KIAA2013: variants seen among roughly 807,000 people sequenced by gnomAD.
The protein encoded by KIAA2013 is uncharacterized protein KIAA2013.
Under a neutral mutation model 39.9 loss-of-function variants are expected in KIAA2013, and 20 were observed. The observed-to-expected ratio is 0.50, with a 90% CI of 0.35 to 0.73. The LOEUF is 0.73. KIAA2013 is among the 30% of genes least tolerant of loss of function. KIAA2013 has a pLI of 0.01. For synonymous variants in KIAA2013, 336 were observed against 416.6 expected, an observed-to-expected ratio of 0.81 and a Z score of 2.35; for missense variants, 587 against 856.1, an observed-to-expected ratio of 0.69 and a Z score of 3.92.
At position 11,925,726 on chromosome 1, in the gene KIAA2013, G is replaced by A. The variant is rs1054515531; in HGVS notation, c.512C>T (p.Pro171Leu). ...CGCGGCAAGGCCAGAGACGGAGGCG[G>A]GCCCGGGGCCGGCGGCCACGGGGCC... Reference protein sequence around the residue: ...GPGPVAAGPGPASVSGLAAGS... With the variant: ...GPGPVAAGPGLASVSGLAAGS... Residue 171 changes from proline (P) to leucine (L), a missense_variant, in exon 1 of 3, where the codon CCC becomes CTC. Transcript: ENST00000376572. The surrounding 1 kb of genome is among the most constrained non-coding windows in gnomAD (Gnocchi z 5.2). 6.4e-7 allele frequency: 1 copy of A among 1,552,908 alleles called. No homozygotes were observed. Among genetic ancestry groups the A allele is most frequent in the East Asian group, 2.3e-5 (1 of 43,110 alleles).
Position 11,923,300 on chromosome 1 carries a change from T to A in KIAA2013, c.1223A>T (p.His408Leu). 1 of 1,613,376 alleles carries A rather than the reference T, an allele frequency of 6.2e-7. No homozygotes were observed. Among genetic ancestry groups the A allele is most frequent in the Admixed American group, 1.7e-5 (1 of 59,994 alleles). ...DHCFSGHATM[H>L]AENLWPGRLS... ...CCGCCCCGGCCACAGGTTCTCGGCG[T>A]GCATGGTGGCGTGCCCGCTGAAGCA... The change falls in exon 2 of 3, where the codon CAC becomes CTC. Residue 408 changes from histidine (H) to leucine (L), a missense_variant. Coordinates refer to ENST00000376572, the MANE Select transcript of KIAA2013 (RefSeq NM_138346.3). The surrounding 1 kb of genome is among the most constrained non-coding windows in gnomAD (Gnocchi z 4.6).
chr1:11,924,294 G>A (rs184185272), intron 1 of KIAA2013, among the ~76,000 whole-genome samples: 21 of 144,222 alleles, frequency 1.5e-4, no homozygotes, highest in African/African-American at 4.7e-4. Context: ...GTTTCGCCAC[G>A]TTGGCCAGGT....
chr1:11,925,261 GGCATGTCCAAGAGCTCCA>G lies in KIAA2013; in HGVS notation c.959_976del (p.Leu320_Met325del), dbSNP rs1266383074. 6.2e-7 allele frequency: 1 copy of G among 1,610,416 alleles called. No homozygotes were observed. On this transcript the variant is annotated inframe_deletion, in exon 1 of 3. Coordinates refer to ENST00000376572, the MANE Select transcript of KIAA2013 (RefSeq NM_138346.3). The surrounding 1 kb of genome is among the most constrained non-coding windows in gnomAD (Gnocchi z 5.2). ...GTGGTCTTGAAGCAGCTCCGCCGCT[GGCATGTCCAAGAGCTCCA>G]GCATTTCCTTCCGTGCCAAGTCCTG...
At position 11,923,617 on chromosome 1, in the gene KIAA2013, C is replaced by A. The variant is rs1238835230; in HGVS notation, c.1034-128G>T. The stretch of plus-strand genomic sequence containing the variant: ...TAATGATAAAGACAGTGGTGCCCAT[C>A]TCCCTAAAGTATAGAAGAAAGTCAG... On this transcript the variant is annotated intron_variant, in intron 1 of 2. Transcript: ENST00000376572. The surrounding 1 kb of genome is among the most constrained non-coding windows in gnomAD (Gnocchi z 4.6). 5 of 981,842 alleles carry A rather than the reference C, an allele frequency of 5.1e-6. 1 individual carries two copies. In the East Asian group the frequency reaches 1.2e-4, roughly 24 times the overall value. The allele number at this position is 981,842 out of a possible 1,614,324, so 60.8% of individuals were successfully genotyped here.
chr1:11,924,948 A>G (rs754351141), intron 1 of KIAA2013, among the ~76,000 whole-genome samples: 1 of 152,174 alleles, frequency 6.6e-6, no homozygotes, highest in Non-Finnish European at 1.5e-5. Flanking sequence ...TAACAGAAAG[A>G]ATTGACCTTT....
intron 1 of KIAA2013, among the ~76,000 whole-genome samples, chr1:11,924,388 C>T (rs1645493309): frequency 1.3e-5 from 2 of 151,790 alleles, no homozygotes; most frequent in African/African-American, 4.8e-5. Flanking sequence ...CCGCGCCCAG[C>T]CAGCACATTC....
At position 11,925,284 on chromosome 1, in the gene KIAA2013, T is replaced by C. The variant is rs1482529460; in HGVS notation, c.954A>G (p.Glu318=). The change falls in exon 1 of 3, where the codon GAA becomes GAG. Residue 318 remains glutamate, a synonymous_variant. Coordinates refer to ENST00000376572, the MANE Select transcript of KIAA2013 (RefSeq NM_138346.3). The surrounding 1 kb of genome is among the most constrained non-coding windows in gnomAD (Gnocchi z 5.2). ...LKALQDLARK[E]MLELLDMPAA... ...CTGGCATGTCCAAGAGCTCCAGCAT[T>C]TCCTTCCGTGCCAAGTCCTGCAGCG... 1 of 1,613,026 alleles carries C rather than the reference T, an allele frequency of 6.2e-7. No homozygotes were observed. The highest frequency in any genetic ancestry group is 1.3e-5 in the African/African-American group (1 of 74,906).
At position 11,925,401 on chromosome 1, in the gene KIAA2013, C is replaced by A. The variant is rs757527415; in HGVS notation, c.837G>T (p.Thr279=). The A allele has an allele frequency of 1.2e-6, 2 of 1,613,808 alleles. No homozygotes were observed. The highest frequency in any genetic ancestry group is 4.5e-5 in the East Asian group (2 of 44,890). Residue 279 remains threonine, a synonymous_variant, in exon 1 of 3, where the codon ACG becomes ACT. Coordinates refer to ENST00000376572, the MANE Select transcript of KIAA2013 (RefSeq NM_138346.3). The surrounding 1 kb of genome is among the most constrained non-coding windows in gnomAD (Gnocchi z 5.2). ...CCCACAGCACCGTCTCATCCAGCTG[C>A]GTCTTGGGAGCCACTTGGAGGCGGT... ...LVNRLQVAPK[T]QLDETVLWVV... is the part of the protein sequence containing the mutation.
chr1:11,925,114 G>A lies in KIAA2013; in HGVS notation c.1033+91C>T. On this transcript the variant is annotated intron_variant, in intron 1 of 2. Transcript: ENST00000376572. This position sits in a 1 kb window ranked among gnomAD's most constrained non-coding sequence, Gnocchi z 5.2. ...ACCACTGGTGAAACGCCAAGCCCAA[G>A]TTTCAACCACCCCACCATCACCTTC... The A allele has an allele frequency of 7.8e-7, 1 of 1,278,904 alleles. No individual in the cohort carries two copies. The highest frequency in any genetic ancestry group is 1.5e-5 in the South Asian group (1 of 65,284). 79.2% of individuals were successfully genotyped at this position (1,278,904 alleles called of 1,614,324 possible).
chr1:11,924,734 A>C (rs1398093318), intron 1 of KIAA2013, among the ~76,000 whole-genome samples: 4 of 152,172 alleles, frequency 2.6e-5, no homozygotes, highest in Non-Finnish European at 5.9e-5. Context: ...GGGATTCTCC[A>C]ACCTCCCTGT....
rs1645501488 is a variant in KIAA2013 at position 11,925,627 on chromosome 1, T to C, written c.611A>G (p.Gln204Arg). Residue 204 changes from glutamine (Q) to arginine (R), a missense_variant, in exon 1 of 3, where the codon CAG (glutamine) becomes CGG (arginine). By Grantham distance (43) the Gln-to-Arg change is conservative. Coordinates refer to ENST00000376572, the MANE Select transcript of KIAA2013 (RefSeq NM_138346.3). The surrounding 1 kb of genome is among the most constrained non-coding windows in gnomAD (Gnocchi z 5.2). ...CGTGGGGTTGTTGAGCTGGATGCGCTGCAGGTAGACGTGGGGTCGGCCCCT... is the reference window on the plus strand; with the variant it reads ...CGTGGGGTTGTTGAGCTGGATGCGCCGCAGGTAGACGTGGGGTCGGCCCCT... ...AHRGRPHVYL[Q>R]RIQLNNPTER... is the part of the protein sequence containing the mutation. The C allele has an allele frequency of 6.2e-7, 1 of 1,609,528 alleles. No individual in the cohort carries two copies. The highest frequency in any genetic ancestry group is 1.3e-5 in the African/African-American group (1 of 75,006).
In KIAA2013 at chr1:11,923,385, G is replaced by C; in HGVS notation, c.1138C>G (p.Pro380Ala). Residue 380 changes from proline to alanine, a missense_variant, in exon 2 of 3, where the codon CCC (proline) becomes GCC (alanine). Coordinates refer to ENST00000376572, the MANE Select transcript of KIAA2013 (RefSeq NM_138346.3). The surrounding 1 kb of genome is among the most constrained non-coding windows in gnomAD (Gnocchi z 4.6). ...LSCSPAPLLS[P>A]SLSHRERDQM... ...TCTCGCTCCCTGTGGCTCAGGGAGG[G>C]GCTGAGCAGTGGGGCTGGCGAGCAG... 1 of 1,613,128 alleles carries C rather than the reference G, an allele frequency of 6.2e-7. No homozygotes were observed. The highest frequency in any genetic ancestry group is 8.5e-7 in the Non-Finnish European group (1 of 1,180,012).
intron 2 of KIAA2013, chr1:11,922,230 C>T: frequency 2.0e-6 from 1 of 510,080 alleles, no homozygotes; most frequent in Non-Finnish European, 3.0e-6. Flanking sequence ...TGCTCTGTTG[C>T]CCCAGCTAGA....
chr1:11,923,401 T>C lies in KIAA2013; in HGVS notation c.1122A>G (p.Pro374=). Residue 374 remains proline, a synonymous_variant, in exon 2 of 3, where the codon CCA becomes CCG. Transcript: ENST00000376572. The surrounding 1 kb of genome is among the most constrained non-coding windows in gnomAD (Gnocchi z 4.6). ...TCAGGGAGGGGCTGAGCAGTGGGGC[T>C]GGCGAGCAGGAGAGCATGTAATAGA... The part of the protein sequence containing the change: ...LTLYYMLSCS[P]APLLSPSLSH... 1 of 1,612,814 alleles carries C rather than the reference T, an allele frequency of 6.2e-7. No homozygotes were observed. The highest frequency in any genetic ancestry group is 8.5e-7 in the Non-Finnish European group (1 of 1,180,026).
rs757841638 is a variant in KIAA2013, at chr1:11,925,524, C to A, written c.714G>T (p.Lys238Asn). Reference sequence around the variant, plus strand: ...AGAGGAGGAACTGATGGTCTCCGACCTTCTCCAGGGTACTGGTGAAGGCCT... The same window carrying A: ...AGAGGAGGAACTGATGGTCTCCGACATTCTCCAGGGTACTGGTGAAGGCCT... ...APKAFTSTLE[K>N]VGDHQFLLYS... The change falls in exon 1 of 3, where the codon AAG becomes AAT. Residue 238 changes from lysine (K) to asparagine (N), a missense_variant. Coordinates refer to ENST00000376572, the MANE Select transcript of KIAA2013 (RefSeq NM_138346.3). This position sits in a 1 kb window ranked among gnomAD's most constrained non-coding sequence, Gnocchi z 5.2. The A allele has an allele frequency of 1.2e-6, 2 of 1,603,750 alleles. No homozygotes were observed. The highest frequency in any genetic ancestry group is 2.2e-5 in the South Asian group (2 of 90,202).
rs1027365825 is a variant in KIAA2013 at position 11,925,819 on chromosome 1, G to A, written c.419C>T (p.Ala140Val). Residue 140 changes from alanine to valine, a missense_variant, in exon 1 of 3, where the codon GCG becomes GTG. Transcript: ENST00000376572. The surrounding 1 kb of genome is among the most constrained non-coding windows in gnomAD (Gnocchi z 5.2). Reference protein sequence around the residue: ...PLSALAEAGEAVLLLREGLLR... With the variant: ...PLSALAEAGEVVLLLREGLLR... ...AAGCCCCTCCCGCAGCAGCAGCACC[G>A]CCTCTCCAGCTTCAGCCAGCGCGCT... The A allele has an allele frequency of 1.3e-6, 2 of 1,539,348 alleles. No individual in the cohort carries two copies. Among genetic ancestry groups the A allele is most frequent in the African/African-American group, 1.4e-5 (1 of 71,890 alleles).
Position 11,923,177 on chromosome 1 carries a change from C to G in KIAA2013, c.1346G>C (p.Gly449Ala). 9 of 1,613,552 alleles carry G rather than the reference C, an allele frequency of 5.6e-6. No homozygotes were observed. Among genetic ancestry groups the G allele is most frequent in the Non-Finnish European group, 7.6e-6 (9 of 1,179,758 alleles). The change falls in exon 2 of 3, where the codon GGC becomes GCC. Residue 449 changes from glycine to alanine, a missense_variant. Transcript: ENST00000376572. The surrounding 1 kb of genome is among the most constrained non-coding windows in gnomAD (Gnocchi z 4.6). ...GCTGAGCACCATCCCCTGCAGGATG[C>G]CTGGGGCACCCACCTTCACCAGCCC... ...CKGLVKVGAP[G>A]ILQGMVLSFG... is the part of the protein sequence containing the mutation.
intron 2 of KIAA2013, among the ~76,000 whole-genome samples, chr1:11,921,474 A>G (rs1341307718): frequency 6.6e-6 from 1 of 152,200 alleles, no homozygotes; most frequent in Non-Finnish European, 1.5e-5. Context: ...TCCCGCCAGC[A>G]GTTCAGACAG....
chr1:11,925,090 C>T lies in KIAA2013; in HGVS notation c.1033+115G>A. 1.1e-6 allele frequency: 1 copy of T among 943,142 alleles called. No homozygotes were observed. The highest frequency in any genetic ancestry group is 2.9e-5 in the Admixed American group (1 of 34,550). The allele number at this position is 943,142 out of a possible 1,614,324, so 58.4% of individuals were successfully genotyped here. ...ACACTAAGCAGTTGAGCAGATTCAACCACTGGTGAAACGCCAAGCCCAAGT... is the reference window on the plus strand; with the variant it reads ...ACACTAAGCAGTTGAGCAGATTCAATCACTGGTGAAACGCCAAGCCCAAGT... On this transcript the variant is annotated intron_variant, in intron 1 of 2. Transcript: ENST00000376572. This position sits in a 1 kb window ranked among gnomAD's most constrained non-coding sequence, Gnocchi z 5.2.
Sources: gnomAD v4.1 joint callset for allele counts (sites outside exome capture counted in the v4.1 genomes callset) on GRCh38, gnomAD v4.1.1 for gene constraint, Gnocchi (gnomAD v3.1) non-coding constraint, MANE v1.5 for transcripts, NCBI Gene and HGNC (gene_info 2026-07-23, HGNC 2026-07-21) for gene names.